Variants in EFR3A observed in about 807,000 individuals in gnomAD.
The protein encoded by EFR3A is EFR3 homolog A.
A neutral mutation model predicts 104.4 loss-of-function variants in EFR3A; 76 were observed. That is an observed-to-expected ratio of 0.73 (90% CI 0.60 to 0.88). The LOEUF is 0.88. Ranked by LOEUF, EFR3A falls within the 40% of genes least tolerant of loss-of-function variation. The probability of loss-of-function intolerance (pLI) is 0.00; values close to 1 mark genes in which losing one functional copy is unlikely to be tolerated. For synonymous variants in EFR3A, 330 were observed against 330.0 expected, an observed-to-expected ratio of 1.00 and a Z score of 0.00; for missense variants, 985 against 1,012.5, an observed-to-expected ratio of 0.97 and a Z score of 0.37.
At chr8:131,939,980 G>A (rs1818082297) in intron 1 of EFR3A, 2 of 153,524 alleles carry the variant, frequency 1.3e-5, no homozygotes, top group African/African-American at 4.8e-5. Flanking sequence ...AGAAGGTAGA[G>A]CAGGGTAAGG....
At chr8:131,965,033 A>T (rs1421142152) in intron 8 of EFR3A, among the ~76,000 whole-genome samples, 6 of 152,180 alleles carry the variant, frequency 3.9e-5, no homozygotes, top group Non-Finnish European at 7.3e-5. Context: ...CTGAAACTGG[A>T]TCCCTTCCTT....
At chr8:131,906,441 G>A (rs1158617491) in intron 1 of EFR3A, among the ~76,000 whole-genome samples, 1 of 152,170 alleles carries the variant, frequency 6.6e-6, no homozygotes, top group African/African-American at 2.4e-5. Context: ...AAATCAAAGG[G>A]TTGGAGGTGA....
intron 1 of EFR3A, among the ~76,000 whole-genome samples, chr8:131,932,520 C>T (rs1454750636): frequency 6.6e-6 from 1 of 151,982 alleles, no homozygotes; most frequent in Non-Finnish European, 1.5e-5. Flanking sequence ...TTTCTTTTGT[C>T]CTCTTGGCAT....
intron 1 of EFR3A, among the ~76,000 whole-genome samples, chr8:131,923,032 A>G (rs1817126281): frequency 3.3e-5 from 5 of 152,312 alleles, no homozygotes; most frequent in Admixed American, 3.3e-4. Flanking sequence ...GTATGAGCAC[A>G]TGCATTGGAA....
At position 131,968,277 on chromosome 8, in the gene EFR3A, C is replaced by G; in HGVS notation, c.856-18C>G. 1 of 1,610,122 alleles carries G rather than the reference C, an allele frequency of 6.2e-7. No homozygotes were observed. Among genetic ancestry groups the G allele is most frequent in the Non-Finnish European group, 8.5e-7 (1 of 1,177,820 alleles). On this transcript the variant is annotated intron_variant, in intron 8 of 22. Transcript: ENST00000254624. ...CATGTACTTTTTATACATCTTTGTA[C>G]TGTTTTGTCTCCTTCAGGCTCAGTA...
chr8:132,006,602 G>T (rs777798717), intron 22 of EFR3A, among the ~76,000 whole-genome samples: 3 of 151,940 alleles, frequency 2.0e-5, no homozygotes, highest in Non-Finnish European at 4.4e-5. Context: ...ATACATTTAG[G>T]TAAGAAATAA....
intron 8 of EFR3A, among the ~76,000 whole-genome samples, chr8:131,966,261 T>G (rs532180858): frequency 9.7e-4 from 148 of 152,238 alleles, no homozygotes; most frequent in African/African-American, 3.3e-3. Flanking sequence ...CTGCATGACC[T>G]TAGACAAGTT....
chr8:131,946,700 G>C, intron 4 of EFR3A, 67 bp downstream of exon 4: 1 of 1,390,536 alleles, frequency 7.2e-7, no homozygotes, highest in Non-Finnish European at 9.4e-7. Flanking sequence ...TTACTTCTTA[G>C]AATGACTTTA....
At position 132,011,086 on chromosome 8, in the gene EFR3A, T is replaced by C. The variant is rs1822322791; in HGVS notation, c.*191T>C. On this transcript the variant is annotated 3_prime_UTR_variant, in exon 23 of 23. Transcript: ENST00000254624. ...ATATAATTTCGAGTACTTTCAAAGA[T>C]AGATTTATGCCATGTTAATTTGCTT... The C allele has an allele frequency of 4.0e-6, 5 of 1,245,834 alleles. No homozygotes were observed. Among genetic ancestry groups the C allele is most frequent in the Non-Finnish European group, 5.1e-6 (5 of 989,162 alleles). 77.2% of individuals were successfully genotyped at this position (1,245,834 alleles called of 1,614,324 possible). A position where few individuals can be genotyped will look rare whatever the true frequency, so the allele number is the denominator to read the frequency against.
rs1364668849 is a variant in EFR3A at position 131,949,993 on chromosome 8, G to T, written c.391G>T (p.Glu131Ter). The change falls in exon 5 of 23, where the codon GAA becomes TAA. Residue 131 changes from glutamate (E) to a stop codon, truncating the protein, a stop_gained. Coordinates refer to ENST00000254624, the MANE Select transcript of EFR3A (RefSeq NM_015137.6). LOFTEE classifies it high-confidence loss of function. ...NSFVKFANIEEDTPSYHRRYD... is the reference protein window; with the variant it reads ...NSFVKFANIE The stretch of plus-strand genomic sequence containing the variant: ...GTTTGTCAAATTTGCAAATATTGAA[G>T]AAGACACACCATCCTATCACAGACG... The T allele has an allele frequency of 6.3e-7, 1 of 1,596,374 alleles. No homozygotes were observed. The highest frequency in any genetic ancestry group is 2.2e-5 in the East Asian group (1 of 44,490).
At chr8:131,923,349 A>C (rs1362642821) in intron 1 of EFR3A, among the ~76,000 whole-genome samples, 1 of 152,142 alleles carries the variant, frequency 6.6e-6, no homozygotes, top group Non-Finnish European at 1.5e-5. Context: ...ACTATCTTTT[A>C]AATTGTTTAA....
At chr8:131,958,727 T>G (rs1231565211) in intron 7 of EFR3A, among the ~76,000 whole-genome samples, 1 of 152,146 alleles carries the variant, frequency 6.6e-6, no homozygotes, top group Non-Finnish European at 1.5e-5. Context: ...TGTATGAACT[T>G]GAAAAACTCA....
intron 1 of EFR3A, among the ~76,000 whole-genome samples, chr8:131,921,040 G>A (rs1035775035): frequency 6.6e-6 from 1 of 152,162 alleles, no homozygotes; most frequent in African/African-American, 2.4e-5. Context: ...ATTTTCCATT[G>A]TATTTGCACA....
intron 1 of EFR3A, among the ~76,000 whole-genome samples, chr8:131,907,700 A>C (rs1816321298): frequency 6.6e-6 from 1 of 152,152 alleles, no homozygotes; most frequent in Admixed American, 6.5e-5. Context: ...ATTACATGCA[A>C]ACTTGACCTA....
intron 1 of EFR3A, among the ~76,000 whole-genome samples, chr8:131,932,152 T>A (rs1377181422): frequency 6.6e-6 from 1 of 152,160 alleles, no homozygotes; most frequent in African/African-American, 2.4e-5. Flanking sequence ...TTCTGTATTT[T>A]GATTTCTAAT....
chr8:132,013,083 T>C lies in EFR3A; in HGVS notation c.*2188T>C, dbSNP rs917133483. ...CAAGAGATTCTGCAGGAACTGGGTG[T>C]GCACACGGTGTTGTAGCCAGTTCAG... On this transcript the variant is annotated 3_prime_UTR_variant, in exon 23 of 23. Transcript: ENST00000254624. The C allele has an allele frequency of 6.6e-6, 1 of 152,210 alleles. No homozygotes were observed. The highest frequency in any genetic ancestry group is 2.4e-5 in the African/African-American group (1 of 41,450). 9.4% of individuals were successfully genotyped at this position (152,210 alleles called of 1,614,324 possible).
chr8:131,942,926 A>G (rs954492780), intron 2 of EFR3A, among the ~76,000 whole-genome samples: 3 of 152,132 alleles, frequency 2.0e-5, no homozygotes, highest in Non-Finnish European at 4.4e-5. Context: ...ATGCTGATTC[A>G]TAGTGATAAA....
chr8:131,930,850 G>A (rs888820113), intron 1 of EFR3A, among the ~76,000 whole-genome samples: 13 of 152,132 alleles, frequency 8.5e-5, no homozygotes, highest in African/African-American at 3.1e-4. Flanking sequence ...TCTTTATAGT[G>A]CTATTTATGA....
intron 18 of EFR3A, among the ~76,000 whole-genome samples, chr8:131,994,289 T>TGATACAGTAA (rs1821366090): frequency 1.3e-5 from 2 of 151,618 alleles, no homozygotes; most frequent in Admixed American, 1.3e-4. Flanking sequence ...TGTTGCCACA[T>TGATACAGTAA]GATACAGTAA....
Sources: gnomAD v4.1 joint callset for allele counts (sites outside exome capture counted in the v4.1 genomes callset) on GRCh38, gnomAD v4.1.1 for gene constraint, MANE v1.5 for transcripts, NCBI Gene and HGNC (gene_info 2026-07-23, HGNC 2026-07-21) for gene names.